Variants in MORN3 observed in about 807,000 individuals in gnomAD.
MORN3 encodes the protein MORN repeat containing 3.
A neutral mutation model predicts 34.7 loss-of-function variants in MORN3; 38 were observed. The ratio of observed to expected loss-of-function variants is 1.10; its 90% CI spans 0.85 to 1.44. The LOEUF is 1.44. MORN3 is among the 40% of genes most tolerant of loss of function. The probability of loss-of-function intolerance (pLI) is 0.00; values close to 1 mark genes in which losing one functional copy is unlikely to be tolerated. For missense variants in MORN3, 311 were observed against 321.7 expected (o/e 0.97, Z 0.25); for synonymous variants, 109 against 115.3 (o/e 0.95, Z 0.35).
chr12:121,657,199 T>C (rs551658029), intron 2 of MORN3, among the ~76,000 whole-genome samples: 12 of 152,278 alleles, frequency 7.9e-5, no homozygotes, highest in African/African-American at 2.9e-4. Flanking sequence ...CCCGAAGACC[T>C]CCTTCTTGCC....
intron 1 of MORN3, among the ~76,000 whole-genome samples, chr12:121,663,100 G>T (rs1441857388): frequency 6.6e-6 from 1 of 152,128 alleles, no homozygotes; most frequent in East Asian, 1.9e-4. Context: ...TAAGAGAATA[G>T]ATCTTAATTG....
intron 2 of MORN3, among the ~76,000 whole-genome samples, chr12:121,655,841 TA>T (rs1555325633): frequency 6.6e-6 from 1 of 151,564 alleles, no homozygotes; most frequent in Non-Finnish European, 1.5e-5. Context: ...CCATCCTGGC[TA>T]ACATGGTGAA....
rs1429164341 is a variant in MORN3, at chr12:121,649,865, T to TC, written c.*1785_*1786insG. On this transcript the variant is annotated 3_prime_UTR_variant, in exon 6 of 6. Coordinates refer to ENST00000355329, the MANE Select transcript of MORN3 (RefSeq NM_173855.5). ...TTGGGATTACAGGTGCTGAATTCTTTTTTTTTTTTTTTTTTGTAGCATGGT... is the reference window on the plus strand; with the variant it reads ...TTGGGATTACAGGTGCTGAATTCTTTCTTTTTTTTTTTTTTTGTAGCATGGT... 1.3e-5 allele frequency: 2 copies of TC among 148,318 alleles called. No individual in the cohort carries two copies. The highest frequency in any genetic ancestry group is 2.1e-4 in the South Asian group (1 of 4,690). 9.2% of individuals were successfully genotyped at this position (148,318 alleles called of 1,614,324 possible).
At chr12:121,668,537 G>T (rs921065133) in intron 1 of MORN3, among the ~76,000 whole-genome samples, 1 of 152,032 alleles carries the variant, frequency 6.6e-6, no homozygotes, top group East Asian at 1.9e-4. Context: ...GTGAAACTCC[G>T]TCTAAAAAAA....
chr12:121,659,137 GCACACA>G (rs57639477), intron 2 of MORN3, 48 bp downstream of exon 2: 49,095 of 1,404,862 alleles, frequency 0.035, 5 homozygotes, highest in South Asian at 0.043. Flanking sequence ...ACACACGCGC[GCACACA>G]CACACACACA....
chr12:121,667,838 C>A (rs1893818165), intron 1 of MORN3, among the ~76,000 whole-genome samples: 1 of 151,976 alleles, frequency 6.6e-6, no homozygotes. Flanking sequence ...ATTCTCCTGC[C>A]TCAGCCTCCC....
chr12:121,655,555 T>C (rs1893391387), intron 2 of MORN3, among the ~76,000 whole-genome samples: 1 of 150,136 alleles, frequency 6.7e-6, no homozygotes, highest in South Asian at 2.1e-4. Context: ...ATTAAAAATA[T>C]AAAAAATTAG....
At chr12:121,655,097 G>A (rs1265171602) in intron 2 of MORN3, among the ~76,000 whole-genome samples, 7 of 151,466 alleles carry the variant, frequency 4.6e-5, no homozygotes, top group Non-Finnish European at 1.0e-4. Context: ...TGGCTCACCG[G>A]CTCACTTTAG....
chr12:121,666,829 A>C (rs939353960), intron 1 of MORN3, among the ~76,000 whole-genome samples: 1 of 152,068 alleles, frequency 6.6e-6, no homozygotes, highest in Admixed American at 6.6e-5. Context: ...TGGGACATGA[A>C]TCAGATCATG....
chr12:121,653,243 G>A lies in MORN3; in HGVS notation c.480C>T (p.Tyr160=), dbSNP rs180768193. The A allele has an allele frequency of 2.8e-5, 45 of 1,614,012 alleles. No individual in the cohort carries two copies. The East Asian group carries it at 6.0e-4, about 22-fold the overall frequency. Residue 160 remains tyrosine, a synonymous_variant, in exon 4 of 6, where the codon TAC becomes TAT. Transcript: ENST00000355329. ...GMLRLKNGNR[Y]EGCWERGMKN... ...TCATGCCTCTCTCCCAGCAGCCCTC[G>A]TAGCGGTTCCCGTTCTCTGGGGGAA...
chr12:121,668,257 T>TTC (rs1893833499), intron 1 of MORN3, among the ~76,000 whole-genome samples: 2 of 150,834 alleles, frequency 1.3e-5, no homozygotes, highest in African/African-American at 4.9e-5. Flanking sequence ...GAGCACAGAA[T>TTC]TGGGCTGGGC....
intron 3 of MORN3, 135 bp downstream of exon 3, chr12:121,654,139 C>A: frequency 1.5e-6 from 1 of 669,104 alleles, no homozygotes; most frequent in Admixed American, 3.4e-5. Context: ...CCTCTCTTGT[C>A]CCACATTGAC....
At position 121,665,278 on chromosome 12, in the gene MORN3, C is replaced by CTTTTTTTTTTTTTTTTTTT. The variant is rs767525874; in HGVS notation, c.145+4042_145+4060dup. Among the ~76,000 whole-genome samples, 3 of 50,668 alleles carry CTTTTTTTTTTTTTTTTTTT rather than the reference C, an allele frequency of 5.9e-5. 1 individual carries two copies. Among genetic ancestry groups the CTTTTTTTTTTTTTTTTTTT allele is most frequent in the African/African-American group, 1.5e-4 (2 of 13,622 alleles). The allele number at this position is 50,668 out of a possible 152,430, so 33.2% of individuals were successfully genotyped here. On this transcript the variant is annotated intron_variant, in intron 1 of 5. Transcript: ENST00000355329. ...AGATCTCGCGTTTTCTTTTTCTTTCCTTTTTTTTTTTTTTTTTTTTTTTTT... is the reference window on the plus strand; with the variant it reads ...AGATCTCGCGTTTTCTTTTTCTTTCCTTTTTTTTTTTTTTTTTTTTTTTTTTTTTTTTTTTTTTTTTTTT...
intron 4 of MORN3, 77 bp from the exon 5 acceptor site, chr12:121,652,885 C>A (rs782253957): frequency 4.9e-5 from 75 of 1,532,302 alleles, no homozygotes; most frequent in Non-Finnish European, 6.4e-5. Context: ...CGCTGCCTGC[C>A]GTGTGGGGTG....
At chr12:121,652,529 C>T (rs1004979326) in intron 5 of MORN3, among the ~76,000 whole-genome samples, 199 bp downstream of exon 5, 2 of 152,202 alleles carry the variant, frequency 1.3e-5, no homozygotes, top group East Asian at 3.8e-4. Context: ...CCACCACAGC[C>T]GGTCAAAAGG....
In MORN3 at chr12:121,659,396, T is replaced by C. The variant is rs779839396; in HGVS notation, c.146-48A>G. On this transcript the variant is annotated intron_variant, in intron 1 of 5. Transcript: ENST00000355329. ...TGCTGCAGACATGGCCGCCGGGGGG[T>C]GGGGGTGGTGTGCCTGCCTGAGCCT... 7 of 1,574,786 alleles carry C rather than the reference T, an allele frequency of 4.4e-6. No individual in the cohort carries two copies. The Admixed American group carries it at 1.2e-4, about 27-fold the overall frequency.
chr12:121,666,422 T>C (rs192779798), intron 1 of MORN3, among the ~76,000 whole-genome samples: 1 of 152,142 alleles, frequency 6.6e-6, no homozygotes, highest in African/African-American at 2.4e-5. Context: ...AAGAATCACT[T>C]GAACCTGGGA....
chr12:121,667,392 T>C (rs1386261737), intron 1 of MORN3, among the ~76,000 whole-genome samples: 1 of 151,968 alleles, frequency 6.6e-6, no homozygotes, highest in Non-Finnish European at 1.5e-5. Context: ...TGGCTGGGAT[T>C]ACAGGCGTTC....
upstream of MORN3, among the ~76,000 whole-genome samples, chr12:121,671,985 T>A (rs61357438): frequency 6.6e-6 from 1 of 152,128 alleles, no homozygotes; most frequent in Non-Finnish European, 1.5e-5. Flanking sequence ...GAACCCAGAC[T>A]CTAATAACTT....
Sources: allele counts gnomAD v4.1 joint callset (sites outside exome capture counted in the v4.1 genomes callset), GRCh38; gene constraint gnomAD v4.1.1; transcripts MANE v1.5; gene names NCBI Gene and HGNC (gene_info 2026-07-23, HGNC 2026-07-21).